NFATC3: variants seen among roughly 807,000 people sequenced by gnomAD.
NFATC3 encodes the protein nuclear factor of activated T-cells, cytoplasmic 3.
In NFATC3, 46 loss-of-function variants were observed where a neutral mutation model predicts 98.6. The observed-to-expected ratio is 0.47, with a 90% CI of 0.37 to 0.60. The LOEUF (loss-of-function observed/expected upper bound fraction) is 0.60. Ranked by LOEUF, NFATC3 falls within the 20% of genes least tolerant of loss-of-function variation. The pLI is 0.00. For missense variants in NFATC3, 1,256 were observed against 1,295.5 expected, an observed-to-expected ratio of 0.97 and a Z score of 0.47; for synonymous variants, 512 against 472.2, an observed-to-expected ratio of 1.08 and a Z score of -1.09.
chr16:68,193,089 T>C (rs2040513673), intron 9 of NFATC3, among the ~76,000 whole-genome samples: 1 of 152,152 alleles, frequency 6.6e-6, no homozygotes. Context: ...AAACAGACTT[T>C]TTTTTTTCTT....
chr16:68,126,676 C>A, intron 3 of NFATC3, 66 bp downstream of exon 3: 1 of 1,531,646 alleles, frequency 6.5e-7, no homozygotes, highest in South Asian at 1.2e-5. Context: ...CAAGTCTATT[C>A]AGTTAGGTAC....
At chr16:68,203,738 C>T (rs1477248683) in intron 9 of NFATC3, among the ~76,000 whole-genome samples, 1 of 151,852 alleles carries the variant, frequency 6.6e-6, no homozygotes, top group Non-Finnish European at 1.5e-5. Context: ...AACTAAGTTC[C>T]CCTCAAAATG....
intron 9 of NFATC3, among the ~76,000 whole-genome samples, chr16:68,223,315 G>A (rs546064370): frequency 1.7e-3 from 251 of 152,032 alleles, no homozygotes; most frequent in African/African-American, 5.8e-3. Context: ...TTGAGGCCAG[G>A]AGTTAGAGAT....
chr16:68,086,777 A>G (rs879722075), intron 1 of NFATC3: 3 of 985,270 alleles, frequency 3.0e-6, no homozygotes, highest in Non-Finnish European at 3.6e-6. Context: ...CCTGAACGTG[A>G]GGCATGAGGA....
At chr16:68,187,048 G>A (rs1027163505) in intron 8 of NFATC3, among the ~76,000 whole-genome samples, 1 of 152,222 alleles carries the variant, frequency 6.6e-6, no homozygotes, top group African/African-American at 2.4e-5. Context: ...GCCTGCAAAG[G>A]GTGAGCAGAG....
intron 1 of NFATC3, among the ~76,000 whole-genome samples, chr16:68,106,278 C>CT (rs1346965129): frequency 6.6e-6 from 1 of 151,152 alleles, no homozygotes; most frequent in Non-Finnish European, 1.5e-5. Flanking sequence ...GTAGTGTTTT[C>CT]TTTTTTCTTT....
intron 9 of NFATC3, among the ~76,000 whole-genome samples, chr16:68,210,425 T>C (rs953792142): frequency 6.6e-6 from 1 of 152,136 alleles, no homozygotes; most frequent in African/African-American, 2.4e-5. Flanking sequence ...GAGCCATTAT[T>C]GTGCCACTGC....
At chr16:68,180,745 A>G (rs899909585) in intron 6 of NFATC3, among the ~76,000 whole-genome samples, 5 of 152,144 alleles carry the variant, frequency 3.3e-5, no homozygotes, top group African/African-American at 1.2e-4. Flanking sequence ...ATGAGTGAGA[A>G]CATGCGGTGT....
intron 2 of NFATC3, 91 bp downstream of exon 2, chr16:68,123,212 A>G: frequency 7.4e-7 from 1 of 1,347,538 alleles, no homozygotes; most frequent in African/African-American, 1.5e-5. Context: ...ATGGTTATAT[A>G]ATGGTTTGAC....
At chr16:68,159,882 A>G (rs1482806839) in intron 4 of NFATC3, among the ~76,000 whole-genome samples, 7 of 151,692 alleles carry the variant, frequency 4.6e-5, no homozygotes, top group Non-Finnish European at 1.0e-4. Flanking sequence ...GTTTGAGACC[A>G]GCCTGGCCAA....
intron 9 of NFATC3, among the ~76,000 whole-genome samples, chr16:68,216,717 G>A (rs2041656297): frequency 6.6e-6 from 1 of 151,976 alleles, no homozygotes; most frequent in South Asian, 2.1e-4. Flanking sequence ...ATTTTTAGTA[G>A]AGATGGGATT....
chr16:68,151,090 C>T (rs1269507590), intron 3 of NFATC3, among the ~76,000 whole-genome samples: 1 of 151,970 alleles, frequency 6.6e-6, no homozygotes, highest in Non-Finnish European at 1.5e-5. Context: ...CATTGTAGCT[C>T]ACACCTGTAA....
intron 9 of NFATC3, among the ~76,000 whole-genome samples, chr16:68,210,986 A>T (rs759438474): frequency 5.3e-5 from 8 of 151,316 alleles, no homozygotes; most frequent in Non-Finnish European, 1.0e-4. Flanking sequence ...GTTTCACCAT[A>T]TTGGCCAGGC....
intron 3 of NFATC3, among the ~76,000 whole-genome samples, chr16:68,130,858 C>T (rs533402199): frequency 1.9e-4 from 29 of 152,150 alleles, no homozygotes; most frequent in Admixed American, 1.7e-3. Context: ...CATTCTTCTG[C>T]GTGTGGATAT....
Position 68,122,235 on chromosome 16 carries a change from C to G in NFATC3, c.352C>G (p.Pro118Ala). The G allele has an allele frequency of 6.2e-7, 1 of 1,614,104 alleles. No homozygotes were observed. Among genetic ancestry groups the G allele is most frequent in the Non-Finnish European group, 8.5e-7 (1 of 1,180,030 alleles). The stretch of plus-strand genomic sequence containing the variant: ...AAGTATTCAAATTACATCTATCTCT[C>G]CTAACTGTCATCAAGAATTAGATGC... ...CPSIQITSIS[P>A]NCHQELDAHE... The change falls in exon 2 of 10, where the codon CCT becomes GCT. Residue 118 changes from proline (P) to alanine (A), a missense_variant. Around this residue, in one of 3 missense-constraint regions of NFATC3, gnomAD observed 464 missense variants for 465.7 expected, o/e 1.00. Coordinates refer to ENST00000346183, the MANE Select transcript of NFATC3 (RefSeq NM_173165.3).
At chr16:68,210,352 T>G (rs2041332573) in intron 9 of NFATC3, among the ~76,000 whole-genome samples, 1 of 150,096 alleles carries the variant, frequency 6.7e-6, no homozygotes, top group Middle Eastern at 3.5e-3. Flanking sequence ...GGTGCTGTGG[T>G]CCCAAATACT....
At chr16:68,226,245 A>G (rs910574925) in intron 9 of NFATC3, 105 bp from the exon 10 acceptor site, 3 of 1,372,384 alleles carry the variant, frequency 2.2e-6, no homozygotes, top group African/African-American at 3.1e-5. Flanking sequence ...TTATCTTTAC[A>G]GAAAGCCATG....
At chr16:68,175,449 TAGA>T (rs1034380720) in intron 6 of NFATC3, among the ~76,000 whole-genome samples, 1 of 152,246 alleles carries the variant, frequency 6.6e-6, no homozygotes, top group African/African-American at 2.4e-5. Flanking sequence ...ATTTTTAAAG[TAGA>T]AGAATTCAGT....
intron 1 of NFATC3, among the ~76,000 whole-genome samples, chr16:68,100,998 C>G (rs1051747647): frequency 1.5e-4 from 23 of 151,592 alleles, no homozygotes; most frequent in African/African-American, 5.3e-4. Context: ...TTTTTTAATT[C>G]TATTAATAGT....
Sources: allele counts gnomAD v4.1 joint callset (sites outside exome capture counted in the v4.1 genomes callset), GRCh38; gene constraint gnomAD v4.1.1; regional missense constraint gnomAD v4.1.1; transcripts MANE v1.5; gene names NCBI Gene and HGNC (gene_info 2026-07-23, HGNC 2026-07-21).